RALGAPA1: variants seen among roughly 807,000 people sequenced by gnomAD.
RALGAPA1 encodes the protein ral GTPase-activating protein subunit alpha-1.
In RALGAPA1, 52 loss-of-function variants were observed where a neutral mutation model predicts 269.6. That is an observed-to-expected ratio of 0.19 (90% CI 0.15 to 0.24). The LOEUF is 0.24. RALGAPA1 is among the 10% of genes least tolerant of loss of function. The pLI is 1.00. For synonymous variants in RALGAPA1, 817 were observed against 1,008.3 expected, an observed-to-expected ratio of 0.81 and a Z score of 3.60; for missense variants, 1,917 against 3,013.9, an observed-to-expected ratio of 0.64 and a Z score of 8.52.
At chr14:35,681,895 G>A (rs1342055660) in intron 21 of RALGAPA1, among the ~76,000 whole-genome samples, 3 of 152,088 alleles carry the variant, frequency 2.0e-5, no homozygotes, top group Non-Finnish European at 2.9e-5. Context: ...GAATAATAAC[G>A]TATAATTATG....
intron 12 of RALGAPA1, among the ~76,000 whole-genome samples, chr14:35,736,614 T>A (rs1036569734): frequency 6.6e-6 from 1 of 152,108 alleles, no homozygotes; most frequent in Non-Finnish European, 1.5e-5. Flanking sequence ...AGCATTTCAA[T>A]GGGGAAGGAA....
rs532610363 is a variant in RALGAPA1 at position 35,746,158 on chromosome 14, C to T, written c.1251+2427G>A. 6.6e-5 allele frequency among the ~76,000 whole-genome samples: 10 copies of T among 152,254 alleles called. No homozygotes were observed. The East Asian group carries it at 1.9e-3, about 29-fold the overall frequency. On this transcript the variant is annotated intron_variant, in intron 10 of 41. Coordinates refer to ENST00000680220, the MANE Select transcript of RALGAPA1 (RefSeq NM_001346249.2). ...TATTCTAAGTGAAATAAACTAGACA[C>T]AGAAAGACAACTTACTGTATAATCT...
intron 30 of RALGAPA1, among the ~76,000 whole-genome samples, chr14:35,652,291 T>A (rs1445495805): frequency 6.6e-6 from 1 of 151,870 alleles, no homozygotes; most frequent in Non-Finnish European, 1.5e-5. Flanking sequence ...AGACCCTGTC[T>A]CAAAACAACA....
At chr14:35,674,964 G>T (rs1180632298) in intron 22 of RALGAPA1, among the ~76,000 whole-genome samples, 1 of 152,078 alleles carries the variant, frequency 6.6e-6, no homozygotes, top group Middle Eastern at 3.2e-3. Context: ...TCTGCAGATA[G>T]AGAAATTTCT....
intron 14 of RALGAPA1, chr14:35,723,668 G>A (rs2069639692): frequency 6.5e-6 from 1 of 152,830 alleles, no homozygotes; most frequent in Non-Finnish European, 1.5e-5. Flanking sequence ...ACTCGAAAAT[G>A]TTTTTTAATA....
At chr14:35,745,106 A>G (rs2071925435) in intron 10 of RALGAPA1, among the ~76,000 whole-genome samples, 1 of 152,210 alleles carries the variant, frequency 6.6e-6, no homozygotes, top group African/African-American at 2.4e-5. Context: ...AATTGTGAGG[A>G]AAGACTGTTA....
At chr14:35,673,202 G>T (rs998961793) in intron 24 of RALGAPA1, among the ~76,000 whole-genome samples, 180 bp from the exon 25 acceptor site, 2 of 152,114 alleles carry the variant, frequency 1.3e-5, no homozygotes, top group African/African-American at 4.8e-5. Context: ...ATACAATGTA[G>T]GTATAACCAT....
intron 41 of RALGAPA1, among the ~76,000 whole-genome samples, chr14:35,544,822 G>T (rs992645921): frequency 6.6e-6 from 1 of 152,158 alleles, no homozygotes; most frequent in African/African-American, 2.4e-5. Flanking sequence ...TGAGGTGGGT[G>T]GATTACCTGA....
intron 37 of RALGAPA1, among the ~76,000 whole-genome samples, chr14:35,585,732 T>C (rs544320649): frequency 2.6e-4 from 40 of 152,334 alleles, no homozygotes; most frequent in African/African-American, 9.1e-4. Flanking sequence ...TTCTTGTTTT[T>C]GTCAGGTGTG....
At chr14:35,596,915 A>C (rs943377933) in intron 36 of RALGAPA1, among the ~76,000 whole-genome samples, 1 of 152,192 alleles carries the variant, frequency 6.6e-6, no homozygotes, top group Non-Finnish European at 1.5e-5. Flanking sequence ...TACACACAGT[A>C]CATGCATATA....
intron 11 of RALGAPA1, among the ~76,000 whole-genome samples, chr14:35,739,209 G>C (rs1332805262): frequency 6.6e-6 from 1 of 152,120 alleles, no homozygotes; most frequent in Non-Finnish European, 1.5e-5. Flanking sequence ...AAACAGAAAT[G>C]CCACTCTGCA....
At chr14:35,774,950 G>A (rs2074908538) in intron 3 of RALGAPA1, 56 bp downstream of exon 3, 1 of 1,022,062 alleles carries the variant, frequency 9.8e-7, no homozygotes, top group Non-Finnish European at 1.5e-6. Context: ...ATATTCCTTT[G>A]TATGTTCCAA....
intron 1 of RALGAPA1, among the ~76,000 whole-genome samples, chr14:35,804,812 C>G (rs757038245): frequency 6.6e-5 from 10 of 151,264 alleles, no homozygotes; most frequent in Non-Finnish European, 1.3e-4. Context: ...GGTGCATGTC[C>G]CAGCTACTAG....
At chr14:35,586,375 T>C (rs1160637531) in intron 37 of RALGAPA1, among the ~76,000 whole-genome samples, 1 of 152,232 alleles carries the variant, frequency 6.6e-6, no homozygotes, top group Non-Finnish European at 1.5e-5. Flanking sequence ...TTTCTAAATA[T>C]ACAATCATGT....
At chr14:35,594,887 A>G (rs2058838954) in intron 37 of RALGAPA1, among the ~76,000 whole-genome samples, 1 of 152,096 alleles carries the variant, frequency 6.6e-6, no homozygotes, top group Admixed American at 6.6e-5. Context: ...AATAACCAAG[A>G]TATGCAAAAC....
chr14:35,569,588 C>T (rs1215983572), intron 39 of RALGAPA1, among the ~76,000 whole-genome samples: 3 of 152,172 alleles, frequency 2.0e-5, no homozygotes, highest in Non-Finnish European at 2.9e-5. Flanking sequence ...GGCAATCTGG[C>T]TCTGGAAGTT....
intron 26 of RALGAPA1, among the ~76,000 whole-genome samples, chr14:35,666,289 G>C (rs1015187817): frequency 6.6e-6 from 1 of 152,098 alleles, no homozygotes; most frequent in Non-Finnish European, 1.5e-5. Flanking sequence ...TCTGTGGTAG[G>C]TTCCACTGGC....
intron 36 of RALGAPA1, among the ~76,000 whole-genome samples, chr14:35,604,744 GT>G (rs1442035556): frequency 6.6e-6 from 1 of 152,066 alleles, no homozygotes; most frequent in Admixed American, 6.6e-5. Context: ...TGTGCTTTAA[GT>G]GTATTTTCAT....
chr14:35,573,822 T>A (rs908301193), intron 37 of RALGAPA1, among the ~76,000 whole-genome samples: 5 of 152,174 alleles, frequency 3.3e-5, no homozygotes, highest in African/African-American at 1.2e-4. Context: ...AGAAAAGCCA[T>A]GGCTTCATAA....
Sources: allele counts gnomAD v4.1 joint callset (sites outside exome capture counted in the v4.1 genomes callset), GRCh38; gene constraint gnomAD v4.1.1; transcripts MANE v1.5; gene names NCBI Gene and HGNC (gene_info 2026-07-23, HGNC 2026-07-21).